The following EPB41L4A variants were observed in gnomAD, a reference collection of about 807,000 sequenced individuals.
The protein encoded by EPB41L4A is band 4.1-like protein 4A.
EPB41L4A carries 100 observed loss-of-function variants against 108.6 expected under a neutral mutation model. The ratio of observed to expected loss-of-function variants is 0.92; its 90% CI spans 0.78 to 1.09. The LOEUF (loss-of-function observed/expected upper bound fraction) is 1.09. Ranked by LOEUF, EPB41L4A falls within the 50% of genes least tolerant of loss-of-function variation. The pLI is 0.00. For synonymous variants in EPB41L4A, 319 were observed against 289.0 expected, an observed-to-expected ratio of 1.10 and a Z score of -1.05; for missense variants, 1,030 against 842.7, an observed-to-expected ratio of 1.22 and a Z score of -2.75.
chr5:112,312,828 C>CA (rs1360700705), intron 1 of EPB41L4A, among the ~76,000 whole-genome samples: 3 of 152,114 alleles, frequency 2.0e-5, no homozygotes, highest in Non-Finnish European at 2.9e-5. Context: ...GTAGAGACCA[C>CA]CTATGGGCCA....
intron 1 of EPB41L4A, among the ~76,000 whole-genome samples, chr5:112,411,797 G>C (rs534075215): frequency 2.6e-5 from 4 of 152,210 alleles, no homozygotes; most frequent in Admixed American, 6.5e-5. Flanking sequence ...CAGGAGCAGC[G>C]AGGATGGCAG....
At chr5:112,259,429 CAG>C (rs1751341059) in intron 8 of EPB41L4A, 137 bp from the exon 9 acceptor site, 2 of 680,716 alleles carry the variant, frequency 2.9e-6, no homozygotes, top group South Asian at 1.8e-5. Context: ...CATACAGCGA[CAG>C]AGAGATTTCC....
chr5:112,202,309 CT>C (rs1280921396), intron 15 of EPB41L4A, among the ~76,000 whole-genome samples: 1 of 152,146 alleles, frequency 6.6e-6, no homozygotes, highest in African/African-American at 2.4e-5. Context: ...GAAGCGGCTT[CT>C]GGTCTCCAGG....
intron 2 of EPB41L4A, among the ~76,000 whole-genome samples, chr5:112,292,340 C>T (rs567061642): frequency 5.3e-5 from 8 of 152,300 alleles, no homozygotes; most frequent in African/African-American, 1.9e-4. Flanking sequence ...TCCTGAATAT[C>T]CTCTATAAAA....
intron 2 of EPB41L4A, among the ~76,000 whole-genome samples, chr5:112,296,332 A>G (rs1438252131): frequency 6.6e-6 from 1 of 152,190 alleles, no homozygotes; most frequent in Non-Finnish European, 1.5e-5. Context: ...GTAAGTGTTG[A>G]CAAAGCATTT....
intron 1 of EPB41L4A, among the ~76,000 whole-genome samples, chr5:112,371,632 T>C (rs1309031030): frequency 6.6e-6 from 1 of 152,140 alleles, no homozygotes; most frequent in Non-Finnish European, 1.5e-5. Context: ...TTGTCCAAAG[T>C]GGCAAGACTG....
At chr5:112,156,307 C>G (rs141461717) in intron 12 of EPB41L4A, among the ~76,000 whole-genome samples, 1 of 152,102 alleles carries the variant, frequency 6.6e-6, no homozygotes, top group Non-Finnish European at 1.5e-5. Flanking sequence ...AGTATTGGCT[C>G]ATGCAATTAT....
intron 1 of EPB41L4A, among the ~76,000 whole-genome samples, chr5:112,341,446 T>C (rs1292457162): frequency 1.3e-5 from 2 of 152,196 alleles, no homozygotes; most frequent in Non-Finnish European, 2.9e-5. Context: ...GCAGGGATCA[T>C]CAAATGTAGC....
chr5:112,339,342 G>C (rs1757114004), intron 1 of EPB41L4A, among the ~76,000 whole-genome samples: 1 of 151,782 alleles, frequency 6.6e-6, no homozygotes. Context: ...ATTATTATAG[G>C]ACTGAAGTAT....
chr5:112,196,133 T>C (rs1761956268), intron 15 of EPB41L4A, among the ~76,000 whole-genome samples: 1 of 152,108 alleles, frequency 6.6e-6, no homozygotes, highest in Non-Finnish European at 1.5e-5. Flanking sequence ...CTTACGACTT[T>C]ATCATCTGTA....
chr5:112,270,632 G>A (rs1024627479), intron 4 of EPB41L4A, among the ~76,000 whole-genome samples: 5 of 152,022 alleles, frequency 3.3e-5, no homozygotes, highest in South Asian at 2.1e-4. Context: ...AAGTCCTTTC[G>A]CTTCCATAAT....
intron 1 of EPB41L4A, among the ~76,000 whole-genome samples, chr5:112,345,354 T>C (rs903052187): frequency 1.4e-4 from 21 of 152,300 alleles, no homozygotes; most frequent in African/African-American, 4.8e-4. Context: ...ATATGGATAA[T>C]AGATATACAG....
At chr5:112,236,701 C>T (rs1446164395) in intron 11 of EPB41L4A, among the ~76,000 whole-genome samples, 9 of 152,148 alleles carry the variant, frequency 5.9e-5, no homozygotes, top group African/African-American at 1.7e-4. Context: ...TGCTGAGTGG[C>T]ACTGCCAGCA....
intron 1 of EPB41L4A, among the ~76,000 whole-genome samples, chr5:112,322,590 C>T (rs1327170747): frequency 1.3e-5 from 2 of 152,094 alleles, no homozygotes; most frequent in East Asian, 3.9e-4. Flanking sequence ...CCCCAGCAGA[C>T]CTCAAAGGTC....
At chr5:112,283,578 T>C (rs1003754363) in intron 2 of EPB41L4A, among the ~76,000 whole-genome samples, 11 of 152,220 alleles carry the variant, frequency 7.2e-5, no homozygotes, top group Non-Finnish European at 1.5e-4. Context: ...ATCCCTGTTT[T>C]AAGGAATACA....
intron 1 of EPB41L4A, among the ~76,000 whole-genome samples, chr5:112,384,291 A>G (rs1437489663): frequency 1.3e-5 from 2 of 152,230 alleles, no homozygotes; most frequent in Non-Finnish European, 2.9e-5. Context: ...AGATGATAAT[A>G]TAGATGACTA....
At chr5:112,395,597 C>G (rs1761275664) in intron 1 of EPB41L4A, among the ~76,000 whole-genome samples, 1 of 152,146 alleles carries the variant, frequency 6.6e-6, no homozygotes. Flanking sequence ...CAGGAAACAA[C>G]AGGTGCTGGA....
chr5:112,304,121 G>C (rs908896139), intron 2 of EPB41L4A, among the ~76,000 whole-genome samples: 1 of 152,146 alleles, frequency 6.6e-6, no homozygotes, highest in Admixed American at 6.5e-5. Flanking sequence ...GGGAAAAACA[G>C]AGTTCACTGG....
At position 112,329,299 on chromosome 5, in the gene EPB41L4A, T is replaced by G. The variant is rs544736363; in HGVS notation, c.100-21809A>C. ...TGCAACTAGCTGAAAATTTTAAAAT[T>G]ACAGATTTGGTTCTTATCATATTTT... On this transcript the variant is annotated intron_variant, in intron 1 of 22. Coordinates refer to ENST00000261486, the MANE Select transcript of EPB41L4A (RefSeq NM_022140.5). 1.2e-4 allele frequency among the ~76,000 whole-genome samples: 19 copies of G among 152,320 alleles called. No individual in the cohort carries two copies. The South Asian group carries it at 3.3e-3, about 27-fold the overall frequency.
Sources: gnomAD v4.1 joint callset for allele counts (sites outside exome capture counted in the v4.1 genomes callset) on GRCh38, gnomAD v4.1.1 for gene constraint, MANE v1.5 for transcripts, NCBI Gene and HGNC (gene_info 2026-07-23, HGNC 2026-07-21) for gene names.